SLC14A2: variants seen among roughly 807,000 people sequenced by gnomAD.
SLC14A2 encodes urea transporter 2.
A neutral mutation model predicts 104.6 loss-of-function variants in SLC14A2; 91 were observed. The observed-to-expected ratio is 0.87, with a 90% confidence interval of 0.73 to 1.04. SLC14A2 has a LOEUF of 1.04. SLC14A2 is among the 50% of genes least tolerant of loss of function. The pLI, the probability that SLC14A2 is intolerant of heterozygous loss-of-function variation, is 0.00. For missense variants in SLC14A2, 1,189 were observed against 1,156.0 expected (o/e 1.03, Z -0.41); for synonymous variants, 476 against 466.4 (o/e 1.02, Z -0.27).
At chr18:45,540,963 G>A (rs1037985222) in intron 2 of SLC14A2, among the ~76,000 whole-genome samples, 1 of 152,132 alleles carries the variant, frequency 6.6e-6, no homozygotes, top group African/African-American at 2.4e-5. Context: ...GTGAAAGAGG[G>A]TGATGAGAGG....
In SLC14A2 at chr18:45,637,150, A is replaced by C. The variant is rs893460950; in HGVS notation, c.811A>C (p.Asn271His). 1.9e-6 allele frequency: 3 copies of C among 1,614,066 alleles called. No homozygotes were observed. Among genetic ancestry groups the C allele is most frequent in the African/African-American group, 2.7e-5 (2 of 74,938 alleles). ...TLVEPVSSVP[N>H]ITWTEMEMPL... ...GGTAGAGCCTGTGTCTTCAGTGCCC[A>C]ATATCACCTGGACAGAGATGGAAAT... The change falls in exon 6 of 20, where the codon AAT becomes CAT. Residue 271 changes from asparagine (N) to histidine (H), a missense_variant. Asn to His is a moderately conservative substitution (Grantham distance 68, BLOSUM62 1). Coordinates refer to ENST00000255226, the MANE Select transcript of SLC14A2 (RefSeq NM_007163.4).
chr18:45,216,177 A>G (rs1437101046), intron 1 of SLC14A2, among the ~76,000 whole-genome samples: 1 of 152,178 alleles, frequency 6.6e-6, no homozygotes, highest in Non-Finnish European at 1.5e-5. Flanking sequence ...GGCCAATTCA[A>G]TCTTCTTTAT....
intron 1 of SLC14A2, among the ~76,000 whole-genome samples, chr18:45,425,452 C>A (rs1173517539): frequency 6.6e-6 from 1 of 152,198 alleles, no homozygotes; most frequent in Non-Finnish European, 1.5e-5. Flanking sequence ...ATTCTGCATG[C>A]TCCTCCACCT....
intron 2 of SLC14A2, among the ~76,000 whole-genome samples, chr18:45,580,163 T>C (rs994864838): frequency 6.6e-6 from 1 of 152,128 alleles, no homozygotes; most frequent in East Asian, 1.9e-4. Flanking sequence ...AGGTTTTGAT[T>C]GTGTAGGAAA....
At chr18:45,567,433 A>G (rs2044282764) in intron 2 of SLC14A2, among the ~76,000 whole-genome samples, 1 of 152,188 alleles carries the variant, frequency 6.6e-6, no homozygotes, top group Non-Finnish European at 1.5e-5. Flanking sequence ...TGGACAGCCC[A>G]GATCTGTCTG....
chr18:45,222,350 T>C (rs1345968704), intron 1 of SLC14A2, among the ~76,000 whole-genome samples: 1 of 152,180 alleles, frequency 6.6e-6, no homozygotes, highest in Non-Finnish European at 1.5e-5. Flanking sequence ...AAAATCTGCA[T>C]TTGGCGTGAG....
chr18:45,399,424 G>T (rs948461627), intron 1 of SLC14A2, among the ~76,000 whole-genome samples: 1 of 152,116 alleles, frequency 6.6e-6, no homozygotes, highest in Non-Finnish European at 1.5e-5. Flanking sequence ...TAAGAGGCAG[G>T]GTTTGAGTTT....
chr18:45,514,731 G>A (rs550187978), intron 2 of SLC14A2, among the ~76,000 whole-genome samples: 1 of 152,280 alleles, frequency 6.6e-6, no homozygotes, highest in African/African-American at 2.4e-5. Context: ...TGCTATGAAG[G>A]ATACAAAGAT....
chr18:45,503,235 G>T (rs905389871), intron 2 of SLC14A2, among the ~76,000 whole-genome samples: 1 of 152,110 alleles, frequency 6.6e-6, no homozygotes, highest in African/African-American at 2.4e-5. Context: ...CCTTGTCTAA[G>T]CCCTGGGATT....
chr18:45,515,831 G>T (rs1057001811), intron 2 of SLC14A2, among the ~76,000 whole-genome samples: 2 of 152,306 alleles, frequency 1.3e-5, no homozygotes, highest in Admixed American at 1.3e-4. Context: ...AGAGAAAGAA[G>T]GATTCAGACA....
chr18:45,296,573 A>T (rs563320601), intron 1 of SLC14A2, among the ~76,000 whole-genome samples: 3 of 152,244 alleles, frequency 2.0e-5, no homozygotes, highest in South Asian at 2.1e-4. Flanking sequence ...CTCAAACTAC[A>T]TGCTGGATTA....
chr18:45,667,636 TG>T (rs1003237737), intron 13 of SLC14A2, among the ~76,000 whole-genome samples, 196 bp from the exon 14 acceptor site: 4 of 152,204 alleles, frequency 2.6e-5, no homozygotes, highest in African/African-American at 9.6e-5. Flanking sequence ...TGGCTGGTGA[TG>T]GGTCTCAAGA....
chr18:45,349,119 T>C (rs1462905894), intron 1 of SLC14A2, among the ~76,000 whole-genome samples: 1 of 152,228 alleles, frequency 6.6e-6, no homozygotes, highest in East Asian at 1.9e-4. Flanking sequence ...TCTGTGCTCA[T>C]TTCGCTTTCT....
intron 9 of SLC14A2, among the ~76,000 whole-genome samples, 197 bp downstream of exon 9, chr18:45,643,378 G>C (rs753284121): frequency 6.6e-6 from 1 of 152,186 alleles, no homozygotes; most frequent in African/African-American, 2.4e-5. Flanking sequence ...AGGAGAGGGA[G>C]GGGTGTGTGT....
rs118005733 is a variant in SLC14A2 at position 45,504,706 on chromosome 18, G to A, written c.-35+21384G>A. On this transcript the variant is annotated intron_variant, in intron 2 of 20. Coordinates refer to the SLC14A2 transcript ENST00000586448. ...TGGATACCTGGGCCTGGCAGCACTA[G>A]CCTGTGGAAGCAACTCAATCCAGGA... Among the ~76,000 whole-genome samples, 69 of 152,318 alleles carry A rather than the reference G, an allele frequency of 4.5e-4. No homozygotes were observed. In the East Asian group the frequency reaches 0.013, roughly 29 times the overall value.
chr18:45,249,373 G>A (rs973512757), intron 1 of SLC14A2, among the ~76,000 whole-genome samples: 8 of 150,748 alleles, frequency 5.3e-5, no homozygotes, highest in South Asian at 2.1e-4. Context: ...CTGAACATGC[G>A]TTGAGCAGCT....
At chr18:45,451,128 A>C (rs1379354557) in intron 1 of SLC14A2, among the ~76,000 whole-genome samples, 1 of 152,222 alleles carries the variant, frequency 6.6e-6, no homozygotes, top group African/African-American at 2.4e-5. Context: ...GAAGAAAAAG[A>C]GCCTTCAAGC....
the SLC14A2 span, among the ~76,000 whole-genome samples, chr18:45,175,416 T>TAA: frequency 5.5e-3 from 835 of 151,504 alleles, 5 homozygotes; most frequent in African/African-American, 0.018. Flanking sequence ...AGAAAACGTT[T>TAA]AAAAAAAAAT....
At chr18:45,394,540 T>C (rs974873345) in intron 1 of SLC14A2, among the ~76,000 whole-genome samples, 3 of 152,198 alleles carry the variant, frequency 2.0e-5, no homozygotes, top group Non-Finnish European at 4.4e-5. Flanking sequence ...TTAAAAATAA[T>C]GGCCATCCAT....
Sources: gnomAD v4.1 joint callset for allele counts (sites outside exome capture counted in the v4.1 genomes callset) on GRCh38, gnomAD v4.1.1 for gene constraint, MANE v1.5 for transcripts, NCBI Gene and HGNC (gene_info 2026-07-23, HGNC 2026-07-21) for gene names.